Variants in SEMA3A observed in about 807,000 individuals in gnomAD.
The protein encoded by SEMA3A is semaphorin-3A.
A neutral mutation model predicts 97.9 loss-of-function variants in SEMA3A; 29 were observed. The observed-to-expected ratio is 0.30, with a 90% CI of 0.22 to 0.40. The LOEUF is 0.40. SEMA3A is among the 10% of genes least tolerant of loss of function. SEMA3A has a pLI of 1.00. For synonymous variants in SEMA3A, 321 were observed against 323.7 expected, an observed-to-expected ratio of 0.99 and a Z score of 0.09; for missense variants, 763 against 951.3, an observed-to-expected ratio of 0.80 and a Z score of 2.60.
chr7:84,319,590 C>T (rs1801597338), intron 2 of SEMA3A, among the ~76,000 whole-genome samples: 1 of 151,660 alleles, frequency 6.6e-6, no homozygotes, highest in African/African-American at 2.4e-5. Flanking sequence ...TCTTAAATAA[C>T]ATTTAACTAA....
At chr7:84,357,137 T>TA (rs1253283394) in intron 2 of SEMA3A, among the ~76,000 whole-genome samples, 1 of 151,128 alleles carries the variant, frequency 6.6e-6, no homozygotes, top group South Asian at 2.1e-4. Flanking sequence ...TATATATATA[T>TA]TTTTTATTAT....
At chr7:84,253,668 G>T (rs2115625246) in intron 3 of SEMA3A, among the ~76,000 whole-genome samples, 1 of 152,274 alleles carries the variant, frequency 6.6e-6, no homozygotes, top group African/African-American at 2.4e-5. Context: ...GCAGTAAGAA[G>T]TTAAATTATA....
At position 84,481,980 on chromosome 7, in the gene SEMA3A, A is replaced by G. The variant is rs918441155; in HGVS notation, c.-246+10480T>C. The stretch of plus-strand genomic sequence containing the variant: ...AAGTAAGACTTGTTTAAATTAGTAC[A>G]TATCTTTTTAAGAGTAATATAGCTT... On this transcript the variant is annotated intron_variant, in intron 1 of 3. Transcript: ENST00000424555. Among the ~76,000 whole-genome samples the G allele has an allele frequency of 4.6e-5, 7 of 151,714 alleles. No individual in the cohort carries two copies. The East Asian group carries it at 5.8e-4, about 13-fold the overall frequency.
chr7:84,307,640 A>G (rs1225507239), intron 2 of SEMA3A, among the ~76,000 whole-genome samples: 2 of 152,272 alleles, frequency 1.3e-5, no homozygotes, highest in African/African-American at 2.4e-5. Context: ...ATTTGCCCAT[A>G]ATACTATGAT....
At chr7:84,346,831 C>T (rs1220641254) in intron 2 of SEMA3A, among the ~76,000 whole-genome samples, 3 of 152,230 alleles carry the variant, frequency 2.0e-5, no homozygotes, top group South Asian at 2.1e-4. Context: ...TGGTGCCAAA[C>T]GTTGCTTAAC....
intron 13 of SEMA3A, among the ~76,000 whole-genome samples, chr7:83,984,097 C>A (rs1235652752): frequency 2.6e-5 from 4 of 151,926 alleles, no homozygotes. Context: ...CTTTTTTAAA[C>A]AGATTTAAAA....
At chr7:84,104,426 GA>G (rs1370066597) in intron 4 of SEMA3A, among the ~76,000 whole-genome samples, 2 of 151,860 alleles carry the variant, frequency 1.3e-5, no homozygotes, top group Non-Finnish European at 2.9e-5. Flanking sequence ...GTTTTTAGGG[GA>G]AAAAAAGCTG....
chr7:84,074,125 T>C (rs1340428507), intron 4 of SEMA3A, among the ~76,000 whole-genome samples: 3 of 152,150 alleles, frequency 2.0e-5, no homozygotes, highest in Admixed American at 1.3e-4. Flanking sequence ...CATACTATTA[T>C]ATGGAATTCA....
intron 3 of SEMA3A, among the ~76,000 whole-genome samples, chr7:84,120,051 G>A (rs1583994682): frequency 6.6e-6 from 1 of 150,426 alleles, no homozygotes; most frequent in East Asian, 2.0e-4. Context: ...CAAATCTTCT[G>A]AAAGATGTTT....
chr7:83,976,863 T>C (rs2116304087), intron 15 of SEMA3A, among the ~76,000 whole-genome samples: 1 of 152,234 alleles, frequency 6.6e-6, no homozygotes, highest in East Asian at 1.9e-4. Flanking sequence ...ATGGCTTCTT[T>C]TTGTTAATAT....
chr7:84,032,649 T>C (rs924748717), intron 6 of SEMA3A, among the ~76,000 whole-genome samples: 1 of 152,122 alleles, frequency 6.6e-6, no homozygotes, highest in Non-Finnish European at 1.5e-5. Flanking sequence ...ACACATTCTG[T>C]TTAATCTGAA....
At chr7:84,419,772 G>A (rs755999623) in intron 1 of SEMA3A, among the ~76,000 whole-genome samples, 2 of 152,072 alleles carry the variant, frequency 1.3e-5, no homozygotes, top group Non-Finnish European at 2.9e-5. Flanking sequence ...TGAAAATTTC[G>A]CTAGGGTATT....
intron 4 of SEMA3A, among the ~76,000 whole-genome samples, chr7:84,064,909 G>A (rs369070796): frequency 3.0e-4 from 45 of 152,266 alleles, no homozygotes; most frequent in Middle Eastern, 3.4e-3. Flanking sequence ...TCAGCTCTGC[G>A]CCAAGCGGAC....
intron 3 of SEMA3A, among the ~76,000 whole-genome samples, chr7:84,218,987 C>A (rs938696854): frequency 6.6e-6 from 1 of 151,980 alleles, no homozygotes; most frequent in Non-Finnish European, 1.5e-5. Context: ...GGAAATATTT[C>A]AAAAAATATT....
intron 4 of SEMA3A, among the ~76,000 whole-genome samples, chr7:84,072,433 C>T (rs1324931400): frequency 6.6e-6 from 1 of 152,028 alleles, no homozygotes; most frequent in Non-Finnish European, 1.5e-5. Flanking sequence ...ATAGGAATTA[C>T]TGCAGGCAGC....
intron 1 of SEMA3A, among the ~76,000 whole-genome samples, chr7:84,469,161 A>G (rs1279936671): frequency 1.3e-5 from 2 of 152,160 alleles, no homozygotes; most frequent in Non-Finnish European, 2.9e-5. Context: ...ATTCCTTTCT[A>G]GGAAAGAGAA....
intron 4 of SEMA3A, among the ~76,000 whole-genome samples, chr7:84,089,771 T>C (rs1298912176): frequency 6.6e-6 from 1 of 151,972 alleles, no homozygotes; most frequent in African/African-American, 2.4e-5. Flanking sequence ...ATACAACTTA[T>C]AGACATGTAC....
At chr7:84,127,818 A>C (rs1469128920) in intron 3 of SEMA3A, among the ~76,000 whole-genome samples, 3 of 152,202 alleles carry the variant, frequency 2.0e-5, no homozygotes, top group Non-Finnish European at 4.4e-5. Context: ...CTATGTATCT[A>C]TATACACATG....
At chr7:84,058,792 G>C (rs1793098679) in intron 5 of SEMA3A, among the ~76,000 whole-genome samples, 1 of 152,082 alleles carries the variant, frequency 6.6e-6, no homozygotes, top group Admixed American at 6.5e-5. Context: ...CTGACTCACT[G>C]AACTTTGCTC....
Sources: allele counts gnomAD v4.1 joint callset (sites outside exome capture counted in the v4.1 genomes callset), GRCh38; gene constraint gnomAD v4.1.1; transcripts MANE v1.5; gene names NCBI Gene and HGNC (gene_info 2026-07-23, HGNC 2026-07-21).